Variants in MYCBP2 observed in about 807,000 individuals in gnomAD.
MYCBP2 encodes the protein E3 ubiquitin-protein ligase MYCBP2.
MYCBP2 carries 120 observed loss-of-function variants against 525.3 expected under a neutral mutation model. The ratio of observed to expected loss-of-function variants is 0.23; its 90% CI spans 0.20 to 0.27. The LOEUF is 0.27. Among genes scored for constraint, MYCBP2 ranks in the 10% least tolerant of loss-of-function variants. The probability of loss-of-function intolerance (pLI) is 1.00; values close to 1 mark genes in which losing one functional copy is unlikely to be tolerated. For missense variants in MYCBP2, 4,149 were observed against 5,657.1 expected, an observed-to-expected ratio of 0.73 and a Z score of 8.55; for synonymous variants, 1,894 against 1,955.8, an observed-to-expected ratio of 0.97 and a Z score of 0.83.
chr13:77,108,558 C>A (rs1427218507), intron 55 of MYCBP2, among the ~76,000 whole-genome samples: 2 of 152,112 alleles, frequency 1.3e-5, no homozygotes, highest in African/African-American at 4.8e-5. Flanking sequence ...TCAGAGAAAT[C>A]AGACATTTTG....
intron 30 of MYCBP2, among the ~76,000 whole-genome samples, chr13:77,188,022 G>GA (rs1357047339): frequency 1.4e-5 from 2 of 144,664 alleles, no homozygotes; most frequent in Non-Finnish European, 3.0e-5. Flanking sequence ...AGTGAGCCAA[G>GA]ATCGTGCCAC....
In MYCBP2 at chr13:77,326,894, C is replaced by A; in HGVS notation, c.-119G>T. 1.0e-6 allele frequency: 1 copy of A among 954,840 alleles called. No homozygotes were observed. The highest frequency in any genetic ancestry group is 2.6e-5 in the South Asian group (1 of 38,214). 59.1% of individuals were successfully genotyped at this position (954,840 alleles called of 1,614,324 possible). The stretch of plus-strand genomic sequence containing the variant: ...CTCCGGCGGCGGCCTCTGGCTCCCG[C>A]AGCAGGGAGACTACAAAGACAGCGA... On this transcript the variant is annotated 5_prime_UTR_variant, in exon 1 of 83. Transcript: ENST00000544440. This position sits in a 1 kb window ranked among gnomAD's most constrained non-coding sequence, Gnocchi z 4.2.
intron 24 of MYCBP2, 34 bp from the exon 25 acceptor site, chr13:77,205,632 G>A (rs770880638): frequency 1.3e-6 from 2 of 1,592,398 alleles, no homozygotes; most frequent in Admixed American, 1.8e-5. Flanking sequence ...TTAACTCCTT[G>A]AAATTAAAAT....
chr13:77,169,476 T>C lies in MYCBP2; in HGVS notation c.5895+138A>G, dbSNP rs547270294. The C allele has an allele frequency of 2.9e-5, 19 of 652,586 alleles. No individual in the cohort carries two copies. In the South Asian group the frequency reaches 3.6e-4, roughly 12 times the overall value. The allele number at this position is 652,586 out of a possible 1,614,324, so 40.4% of individuals were successfully genotyped here. A position where few individuals can be genotyped will look rare whatever the true frequency, so the allele number is the denominator to read the frequency against. Reference sequence around the variant, plus strand: ...ACTAAGAAGAGAGAAGTTTAATAATTAGCAGATCTATCTCTGCTTGTTACC... The same window carrying C: ...ACTAAGAAGAGAGAAGTTTAATAATCAGCAGATCTATCTCTGCTTGTTACC... On this transcript the variant is annotated intron_variant, in intron 39 of 82. Transcript: ENST00000544440.
At position 77,080,390 on chromosome 13, in the gene MYCBP2, A is replaced by G. The variant is rs1259577196; in HGVS notation, c.11418+1037T>C. The G allele has an allele frequency of 3.3e-5, 5 of 152,316 alleles. No individual in the cohort carries two copies. In the South Asian group the frequency reaches 8.3e-4, roughly 25 times the overall value. 9.4% of individuals were successfully genotyped at this position (152,316 alleles called of 1,614,324 possible). ...GAGAGCCATTAATACTGTATCTGCT[A>G]GCAAGCCACATCCATTCTGAGGAAA... On this transcript the variant is annotated intron_variant, in intron 65 of 82. Transcript: ENST00000544440.
Position 77,203,130 on chromosome 13 carries a change from G to T in MYCBP2, c.3843+2126C>A, listed in dbSNP as rs972626644. ...GTCCCTGTTTGCAGACGACATGATTGTATATCTAGAAAACCCCATCATCTC... is the reference window on the plus strand; with the variant it reads ...GTCCCTGTTTGCAGACGACATGATTTTATATCTAGAAAACCCCATCATCTC... On this transcript the variant is annotated intron_variant, in intron 26 of 82. Coordinates refer to ENST00000544440, the MANE Select transcript of MYCBP2 (RefSeq NM_015057.5). Among the ~76,000 whole-genome samples, 170 of 152,194 alleles carry T rather than the reference G, an allele frequency of 1.1e-3. 1 individual carries two copies. Among genetic ancestry groups the T allele is most frequent in the African/African-American group, 4.0e-3 (167 of 41,536 alleles).
In MYCBP2 at chr13:77,217,966, A is replaced by T; in HGVS notation, c.2940-9T>A. The T allele has an allele frequency of 1.1e-6, 1 of 894,416 alleles. No homozygotes were observed. The highest frequency in any genetic ancestry group is 2.8e-5 in the South Asian group (1 of 35,828). 55.4% of individuals were successfully genotyped at this position (894,416 alleles called of 1,614,324 possible). A position where few individuals can be genotyped will look rare whatever the true frequency, so the allele number is the denominator to read the frequency against. On this transcript the variant is annotated splice_polypyrimidine_tract_variant and intron_variant, in intron 20 of 82. Transcript: ENST00000544440. ...CAAGAGTGGGACATCCCCTAGGTTA[A>T]AAAAAAAAAAAGTAAGTCAATTTCT...
At chr13:77,236,767 A>G (rs1374233890) in intron 17 of MYCBP2, among the ~76,000 whole-genome samples, 2 of 152,244 alleles carry the variant, frequency 1.3e-5, no homozygotes, top group East Asian at 3.9e-4. Flanking sequence ...GTGGTGGCAC[A>G]TGCCTGTACA....
chr13:77,117,896 C>A (rs1293636889), intron 55 of MYCBP2, among the ~76,000 whole-genome samples: 1 of 151,510 alleles, frequency 6.6e-6, no homozygotes, highest in African/African-American at 2.4e-5. Flanking sequence ...GGAACAACAA[C>A]AAAAAAATAA....
At chr13:77,285,527 C>A (rs986511982) in intron 3 of MYCBP2, among the ~76,000 whole-genome samples, 6 of 152,176 alleles carry the variant, frequency 3.9e-5, no homozygotes, top group Admixed American at 6.5e-5. Flanking sequence ...TGACTCACAC[C>A]TGTAATCCCA....
rs78740511 is a variant in MYCBP2, at chr13:77,136,366, A to C, written c.7659+2830T>G. 9.3e-3 allele frequency among the ~76,000 whole-genome samples: 1,421 copies of C among 152,344 alleles called. 21 individuals carry two copies. Among genetic ancestry groups the C allele is most frequent in the African/African-American group, 0.032 (1,327 of 41,578 alleles). Reference sequence around the variant, plus strand: ...TGCATTTTTCCAACTCTTTAACTATAGTGCATTCACTATATTGTTCTAGGA... The same window carrying C: ...TGCATTTTTCCAACTCTTTAACTATCGTGCATTCACTATATTGTTCTAGGA... On this transcript the variant is annotated intron_variant, in intron 52 of 82. Coordinates refer to ENST00000544440, the MANE Select transcript of MYCBP2 (RefSeq NM_015057.5).
chr13:77,069,721 A>AGCCAGCC, intron 69 of MYCBP2, among the ~76,000 whole-genome samples: 1 of 145,384 alleles, frequency 6.9e-6, no homozygotes, highest in Non-Finnish European at 1.5e-5. Context: ...AAAAAAAATT[A>AGCCAGCC]GCCAGCCGTG....
intron 66 of MYCBP2, among the ~76,000 whole-genome samples, chr13:77,078,433 T>C (rs950350548): frequency 6.6e-6 from 1 of 152,212 alleles, no homozygotes; most frequent in Non-Finnish European, 1.5e-5. Context: ...TGCAGTGTTA[T>C]AAGTGTTATA....
At chr13:77,102,555 C>T (rs983696430) in intron 55 of MYCBP2, among the ~76,000 whole-genome samples, 1 of 151,110 alleles carries the variant, frequency 6.6e-6, no homozygotes, top group South Asian at 2.1e-4. Context: ...TGTAGTGTTT[C>T]AAAAAACCAA....
rs1018866794 is a variant in MYCBP2 at position 77,171,587 on chromosome 13, T to C, written c.5699A>G (p.Asn1900Ser). The stretch of plus-strand genomic sequence containing the variant: ...TCTGCTACAGTTTTTATCTTCTTCA[T>C]TGGCTTTACTCAGAAGTTGGGATTG... ...DLQSQLLSKA[N>S]EEDKNCSRAL... The change falls in exon 38 of 83, where the codon AAT becomes AGT. Residue 1900 changes from asparagine to serine, a missense_variant. Transcript: ENST00000544440. 5 of 1,614,158 alleles carry C rather than the reference T, an allele frequency of 3.1e-6. No homozygotes were observed. Among genetic ancestry groups the C allele is most frequent in the African/African-American group, 2.7e-5 (2 of 75,076 alleles).
rs770401042 is a variant in MYCBP2, at chr13:77,098,817, C to G, written c.8337G>C (p.Leu2779Phe). ...ATGACCTACTGTGGGAATCTGACCTCAACTTTGCAGCATCAGATTTTAAGA... is the reference window on the plus strand; with the variant it reads ...ATGACCTACTGTGGGAATCTGACCTGAACTTTGCAGCATCAGATTTTAAGA... ...SLILKSDAAK[L>F]RSDSHSRSLS... Residue 2779 changes from leucine to phenylalanine, a missense_variant, in exon 56 of 83, where the codon TTG becomes TTC. Physicochemically the swap from Leu to Phe is conservative, Grantham distance 22 (BLOSUM62 0). Around this residue, in one of 21 missense-constraint regions of MYCBP2, gnomAD observed 653 missense variants for 744.7 expected, o/e 0.88. Transcript: ENST00000544440. 6.2e-7 allele frequency: 1 copy of G among 1,613,604 alleles called. No individual in the cohort carries two copies. Among genetic ancestry groups the G allele is most frequent in the East Asian group, 2.2e-5 (1 of 44,868 alleles).
intron 66 of MYCBP2, chr13:77,078,005 T>A (rs913274093): frequency 6.6e-6 from 1 of 152,222 alleles, no homozygotes; most frequent in Non-Finnish European, 1.5e-5. Context: ...AAATAAAAAC[T>A]GTTCTTATGG....
At chr13:77,059,166 G>A (rs1398289521) in intron 77 of MYCBP2, among the ~76,000 whole-genome samples, 1 of 151,690 alleles carries the variant, frequency 6.6e-6, no homozygotes, top group African/African-American at 2.4e-5. Flanking sequence ...GTTTATATAT[G>A]TTCAGGATTA....
At chr13:77,183,122 T>C (rs1457735230) in intron 32 of MYCBP2, among the ~76,000 whole-genome samples, 1 of 152,188 alleles carries the variant, frequency 6.6e-6, no homozygotes, top group African/African-American at 2.4e-5. Context: ...TTATGATATA[T>C]TGTTTACATG....
Sources: gnomAD v4.1 joint callset for allele counts (sites outside exome capture counted in the v4.1 genomes callset) on GRCh38, gnomAD v4.1.1 for gene constraint, gnomAD v4.1.1 regional missense constraint, Gnocchi (gnomAD v3.1) non-coding constraint, MANE v1.5 for transcripts, NCBI Gene and HGNC (gene_info 2026-07-23, HGNC 2026-07-21) for gene names.